USH2A: variants seen among roughly 807,000 people sequenced by gnomAD.
The protein encoded by USH2A is Usher syndrome 2A (autosomal recessive, mild).
A neutral mutation model predicts 538.9 loss-of-function variants in USH2A; 443 were observed. That is an observed-to-expected ratio of 0.82 (90% CI 0.76 to 0.89). The LOEUF is 0.89. Ranked by LOEUF, USH2A falls within the 40% of genes least tolerant of loss-of-function variation. The pLI, the probability that USH2A is intolerant of heterozygous loss-of-function variation, is 0.00. For missense variants in USH2A, 6,633 were observed against 6,324.8 expected (o/e 1.05, Z -1.65); for synonymous variants, 2,413 against 2,273.5 (o/e 1.06, Z -1.75).
intron 3 of USH2A, among the ~76,000 whole-genome samples, chr1:216,410,921 C>G (rs2039478797): frequency 6.6e-6 from 1 of 152,078 alleles, no homozygotes; most frequent in South Asian, 2.1e-4. Context: ...CATGAAAATA[C>G]CATAACAACC....
intron 21 of USH2A, among the ~76,000 whole-genome samples, chr1:216,159,443 T>C (rs1326761033): frequency 6.6e-6 from 1 of 152,086 alleles, no homozygotes; most frequent in African/African-American, 2.4e-5. Flanking sequence ...GTTTCATTTT[T>C]ACTATGTTAA....
At chr1:216,349,461 G>A (rs780099418) in intron 4 of USH2A, among the ~76,000 whole-genome samples, 2 of 152,154 alleles carry the variant, frequency 1.3e-5, no homozygotes, top group Non-Finnish European at 2.9e-5. Flanking sequence ...TGAGATAGGA[G>A]GTTGGCTCAA....
intron 32 of USH2A, among the ~76,000 whole-genome samples, chr1:216,039,171 T>A (rs982527535): frequency 4.6e-5 from 7 of 152,038 alleles, no homozygotes; most frequent in African/African-American, 1.4e-4. Context: ...GCTCGATGAA[T>A]AAGACTCTTG....
At chr1:216,010,187 C>G (rs1014866701) in intron 32 of USH2A, among the ~76,000 whole-genome samples, 5 of 152,114 alleles carry the variant, frequency 3.3e-5, no homozygotes, top group African/African-American at 1.2e-4. Flanking sequence ...TGAGACGAAC[C>G]CCAGCCACAT....
intron 41 of USH2A, among the ~76,000 whole-genome samples, chr1:215,887,358 C>G (rs1446376279): frequency 6.6e-6 from 1 of 151,906 alleles, no homozygotes; most frequent in Non-Finnish European, 1.5e-5. Context: ...AAAGTCATTT[C>G]TGGAATGATT....
At chr1:216,157,269 A>G (rs2033966171) in intron 21 of USH2A, among the ~76,000 whole-genome samples, 1 of 152,194 alleles carries the variant, frequency 6.6e-6, no homozygotes, top group African/African-American at 2.4e-5. Flanking sequence ...CAAAACAACA[A>G]TGAGATACCA....
intron 32 of USH2A, among the ~76,000 whole-genome samples, chr1:216,031,983 T>C (rs1478280010): frequency 6.6e-6 from 1 of 152,184 alleles, no homozygotes; most frequent in East Asian, 1.9e-4. Context: ...CCCTTCTCTT[T>C]TGTTGTCACA....
At chr1:216,361,152 T>C (rs1169782422) in intron 4 of USH2A, among the ~76,000 whole-genome samples, 2 of 152,134 alleles carry the variant, frequency 1.3e-5, no homozygotes, top group Non-Finnish European at 2.9e-5. Context: ...TGCAGAATGG[T>C]AGAAACATTG....
At chr1:215,953,889 A>G (rs950004710) in intron 37 of USH2A, among the ~76,000 whole-genome samples, 1 of 152,170 alleles carries the variant, frequency 6.6e-6, no homozygotes, top group African/African-American at 2.4e-5. Flanking sequence ...CAACCCCATC[A>G]AAAAGTGGGC....
chr1:215,671,779 C>G (rs989307815), intron 63 of USH2A, among the ~76,000 whole-genome samples: 2 of 152,104 alleles, frequency 1.3e-5, no homozygotes, highest in Non-Finnish European at 2.9e-5. Flanking sequence ...GGACTCCTAC[C>G]TTTGCAGCTA....
intron 9 of USH2A, among the ~76,000 whole-genome samples, chr1:216,304,708 G>A (rs1463136584): frequency 6.6e-6 from 1 of 151,900 alleles, no homozygotes; most frequent in Non-Finnish European, 1.5e-5. Context: ...TTGATAGGTT[G>A]TGTCACTATA....
At chr1:215,977,204 GAA>G (rs1418509451) in intron 35 of USH2A, among the ~76,000 whole-genome samples, 2 of 151,870 alleles carry the variant, frequency 1.3e-5, no homozygotes, top group African/African-American at 4.8e-5. Context: ...TTCGAAAATT[GAA>G]TCAGTAATAA....
chr1:215,699,493 C>T (rs186292280), intron 61 of USH2A, among the ~76,000 whole-genome samples: 1 of 152,178 alleles, frequency 6.6e-6, no homozygotes, highest in Admixed American at 6.5e-5. Context: ...TCTTAACTTC[C>T]TTGTGCAGTG....
rs573554587 is a variant in USH2A, at chr1:216,217,427, T to G, written c.3117A>C (p.Ala1039=). The G allele has an allele frequency of 1.2e-6, 2 of 1,613,234 alleles. No individual in the cohort carries two copies. Among genetic ancestry groups the G allele is most frequent in the Non-Finnish European group, 1.7e-6 (2 of 1,179,452 alleles). ...ATAGATTGTTGACATCCAAGTGGCT[T>G]GCACTGGGAACACAAGCATCACACT... ...GSKCDACVPS[A]SHLDVNNLLG... is the part of the protein sequence containing the mutation. The change falls in exon 15 of 72, where the codon GCA becomes GCC. Residue 1039 remains alanine (A), a synonymous_variant. Coordinates refer to ENST00000307340, the MANE Select transcript of USH2A (RefSeq NM_206933.4).
At chr1:215,672,051 C>G (rs1657834997) in intron 63 of USH2A, among the ~76,000 whole-genome samples, 1 of 152,172 alleles carries the variant, frequency 6.6e-6, no homozygotes. Flanking sequence ...TTCAACTAAT[C>G]AATTATGTTT....
intron 71 of USH2A, among the ~76,000 whole-genome samples, chr1:215,626,414 TACATATATATACAC>T (rs1656026835): frequency 6.6e-6 from 1 of 151,810 alleles, no homozygotes. Context: ...TCTGTATATA[TACATATATATACAC>T]ACATATATAT....
At chr1:216,313,337 T>C (rs1365291161) in intron 9 of USH2A, among the ~76,000 whole-genome samples, 1 of 152,178 alleles carries the variant, frequency 6.6e-6, no homozygotes, top group Non-Finnish European at 1.5e-5. Context: ...TGTTCTATGA[T>C]TCTAGGATTA....
At chr1:216,073,437 GA>G in intron 27 of USH2A, 137 bp from the exon 28 acceptor site, 5 of 920,414 alleles carry the variant, frequency 5.4e-6, no homozygotes, top group Non-Finnish European at 8.4e-6. Context: ...GTCTTCCTTG[GA>G]AAACCTTTTA....
At chr1:215,985,968 T>C (rs1240966159) in intron 35 of USH2A, among the ~76,000 whole-genome samples, 1 of 152,230 alleles carries the variant, frequency 6.6e-6, no homozygotes, top group East Asian at 1.9e-4. Flanking sequence ...TGCCACCATT[T>C]TGACATATGT....
Sources: gnomAD v4.1 joint callset for allele counts (sites outside exome capture counted in the v4.1 genomes callset) on GRCh38, gnomAD v4.1.1 for gene constraint, MANE v1.5 for transcripts, NCBI Gene and HGNC (gene_info 2026-07-23, HGNC 2026-07-21) for gene names.